Variants in GPR108 observed in about 807,000 individuals in gnomAD.
The protein encoded by GPR108 is protein GPR108.
Under a neutral mutation model 74.3 loss-of-function variants are expected in GPR108, and 60 were observed. The observed-to-expected ratio is 0.81, with a 90% confidence interval of 0.66 to 1.00. The LOEUF is 1.00. Ranked by LOEUF, GPR108 falls within the 50% of genes least tolerant of loss-of-function variation. The probability of loss-of-function intolerance (pLI) is 0.00; values close to 1 mark genes in which losing one functional copy is unlikely to be tolerated. For synonymous variants in GPR108, 311 were observed against 292.4 expected, an observed-to-expected ratio of 1.06 and a Z score of -0.65; for missense variants, 667 against 703.3, an observed-to-expected ratio of 0.95 and a Z score of 0.58.
intron 1 of GPR108, 160 bp downstream of exon 1, chr19:6,737,297 G>A: frequency 1.1e-6 from 1 of 935,726 alleles, no homozygotes; most frequent in Non-Finnish European, 1.5e-6. Context: ...GACCGAAGGG[G>A]ATCCCGGGAC....
Position 6,730,097 on chromosome 19 carries a change from G to A in GPR108, c.*215C>T, listed in dbSNP as rs1264074476. The A allele has an allele frequency of 3.4e-6, 2 of 587,932 alleles. No individual in the cohort carries two copies. The highest frequency in any genetic ancestry group is 3.0e-5 in the Admixed American group (1 of 33,350). 36.4% of individuals were successfully genotyped at this position (587,932 alleles called of 1,614,324 possible). On this transcript the variant is annotated 3_prime_UTR_variant, in exon 18 of 18. Coordinates refer to ENST00000264080, the MANE Select transcript of GPR108 (RefSeq NM_001080452.2). ...CATTATTGTACACATAGCTGGAAGG[G>A]AGGGGTGGTCCCGGGGTAAGGACAG...
chr19:6,736,901 C>T lies in GPR108; in HGVS notation c.121-190G>A, dbSNP rs527282660. 193 of 741,840 alleles carry T rather than the reference C, an allele frequency of 2.6e-4. 3 individuals carry two copies. The South Asian group carries it at 3.5e-3, about 13-fold the overall frequency. The allele number at this position is 741,840 out of a possible 1,614,324, so 46.0% of individuals were successfully genotyped here. A position where few individuals can be genotyped will look rare whatever the true frequency, so the allele number is the denominator to read the frequency against. On this transcript the variant is annotated intron_variant, in intron 1 of 17. Transcript: ENST00000264080. ...GAAGGGTGGTCCTGCATTCTCCGAC[C>T]TCTGTTCTGAGAACCCAGGAACAGA...
chr19:6,733,070 G>A lies in GPR108; in HGVS notation c.858-8C>T. 1 of 1,613,842 alleles carries A rather than the reference G, an allele frequency of 6.2e-7. No homozygotes were observed. The highest frequency in any genetic ancestry group is 8.5e-7 in the Non-Finnish European group (1 of 1,179,932). On this transcript the variant is annotated splice_region_variant and splice_polypyrimidine_tract_variant and intron_variant, in intron 9 of 17. Transcript: ENST00000264080. ...ATCTTGAAGACGCTGTACCTGGTGG[G>A]AGGGTCAGGGAGAGATGGGGGTGCG...
rs371632097 is a variant in GPR108, at chr19:6,735,707, G to A, written c.292-3C>T. ...GGGCAGTCCTGGAAATCCCGGGTCT[G>A]GGGGGTGGGCAGGAGGGAGTGAGTC... On this transcript the variant is annotated splice_polypyrimidine_tract_variant and splice_region_variant and intron_variant, in intron 3 of 17. Coordinates refer to ENST00000264080, the MANE Select transcript of GPR108 (RefSeq NM_001080452.2). 9.9e-6 allele frequency: 16 copies of A among 1,613,252 alleles called. No individual in the cohort carries two copies. Among genetic ancestry groups the A allele is most frequent in the Non-Finnish European group, 1.4e-5 (16 of 1,179,308 alleles).
chr19:6,730,727 C>T (rs1968360200), intron 17 of GPR108, among the ~76,000 whole-genome samples: 2 of 150,068 alleles, frequency 1.3e-5, no homozygotes, highest in Non-Finnish European at 3.0e-5. Context: ...CCAGAGCGGC[C>T]CTGGGTGTCT....
At chr19:6,737,283 G>C (rs1462476014) in intron 1 of GPR108, 174 bp downstream of exon 1, 2 of 828,000 alleles carry the variant, frequency 2.4e-6, no homozygotes, top group Non-Finnish European at 3.5e-6. Flanking sequence ...AACTCCATCC[G>C]GAGGACCGAA....
chr19:6,736,413 A>C (rs1968636882), intron 2 of GPR108, among the ~76,000 whole-genome samples, 179 bp downstream of exon 2: 1 of 152,164 alleles, frequency 6.6e-6, no homozygotes, highest in African/African-American at 2.4e-5. Flanking sequence ...CCCAAGTCTT[A>C]AGAAAAGTGC....
At chr19:6,735,447 C>G (rs919931221) in intron 4 of GPR108, 175 bp downstream of exon 4, 7 of 605,226 alleles carry the variant, frequency 1.2e-5, no homozygotes, top group African/African-American at 3.7e-5. Flanking sequence ...CACCAACACC[C>G]GCGGAGTCCC....
Position 6,735,806 on chromosome 19 carries a change from CCT to C in GPR108, c.291+100_291+101del. 2.6e-6 allele frequency: 4 copies of C among 1,523,890 alleles called. 1 individual carries two copies. Among genetic ancestry groups the C allele is most frequent in the Non-Finnish European group, 3.6e-6 (4 of 1,111,720 alleles). The allele number at this position is 1,523,890 out of a possible 1,614,324, so 94.4% of individuals were successfully genotyped here. ...CACCCACGGGATCTTCCTGCTCCTGCCTCTGACAAAGAACAGGGGCCCTTGGG... is the reference window on the plus strand; with the variant it reads ...CACCCACGGGATCTTCCTGCTCCTGCCTGACAAAGAACAGGGGCCCTTGGG... On this transcript the variant is annotated intron_variant, in intron 3 of 17. Transcript: ENST00000264080.
intron 14 of GPR108, 47 bp downstream of exon 14, chr19:6,731,844 G>A (rs373346356): frequency 1.6e-5 from 26 of 1,602,488 alleles, no homozygotes; most frequent in Non-Finnish European, 2.0e-5. Flanking sequence ...AGGGCCCGGA[G>A]GAGGAATGGG....
intron 1 of GPR108, 135 bp downstream of exon 1, chr19:6,737,322 C>T (rs1057136949): frequency 8.6e-7 from 1 of 1,166,048 alleles, no homozygotes; most frequent in Non-Finnish European, 1.1e-6. Context: ...CCACTCCGGG[C>T]CCGGAAACGG....
At position 6,736,618 on chromosome 19, in the gene GPR108, G is replaced by C; in HGVS notation, c.214C>G (p.Arg72Gly). ...VELSVLRLGL[R>G]EAEEKSLLVG... ...AGCAGGGACTTCTCTTCTGCCTCCC[G>C]GAGGCCCAGCCGCAGGACGCTCAAC... The change falls in exon 2 of 18, where the codon CGG becomes GGG. Residue 72 changes from arginine to glycine, a missense_variant. Physicochemically the swap from Arg to Gly is moderately radical, Grantham distance 125. Coordinates refer to ENST00000264080, the MANE Select transcript of GPR108 (RefSeq NM_001080452.2). The C allele has an allele frequency of 6.2e-7, 1 of 1,613,990 alleles. No individual in the cohort carries two copies. The highest frequency in any genetic ancestry group is 8.5e-7 in the Non-Finnish European group (1 of 1,179,982).
chr19:6,730,407 CG>C (rs1968342634), intron 17 of GPR108, 23 bp from the exon 18 acceptor site: 1 of 1,606,306 alleles, frequency 6.2e-7, no homozygotes, highest in South Asian at 1.1e-5. Context: ...AGCGAGGAGG[CG>C]TCTAGCGTTG....
At position 6,730,229 on chromosome 19, in the gene GPR108, C is replaced by G. The variant is rs1968331345; in HGVS notation, c.*83G>C. On this transcript the variant is annotated 3_prime_UTR_variant, in exon 18 of 18. Transcript: ENST00000264080. ...GCCTGGTCCACATGGACCCCCTCCA[C>G]CTCCCCACATACGCTGTGGAAGAAG... The G allele has an allele frequency of 1.5e-6, 2 of 1,335,490 alleles. No homozygotes were observed. The highest frequency in any genetic ancestry group is 1.4e-5 in the African/African-American group (1 of 69,392). The allele number at this position is 1,335,490 out of a possible 1,614,324, so 82.7% of individuals were successfully genotyped here.
At chr19:6,737,263 C>T (rs1052971440) in intron 1 of GPR108, 194 bp downstream of exon 1, 13 of 673,474 alleles carry the variant, frequency 1.9e-5, no homozygotes, top group Non-Finnish European at 2.8e-5. Context: ...CCCAGCGAGG[C>T]GGACCCGGCA....
At chr19:6,731,810 A>C in intron 14 of GPR108, 81 bp downstream of exon 14, 1 of 1,513,440 alleles carries the variant, frequency 6.6e-7, no homozygotes, top group Non-Finnish European at 9.1e-7. Context: ...AGAGGCCAGG[A>C]GGGGCATCCA....
chr19:6,732,963 T>C, intron 10 of GPR108, 24 bp downstream of exon 10: 10 of 1,558,282 alleles, frequency 6.4e-6, no homozygotes, highest in Non-Finnish European at 7.8e-6. Flanking sequence ...CACCCCCCGC[T>C]GCTCCCCGGT....
In GPR108 at chr19:6,735,932, C is replaced by G; in HGVS notation, c.267G>C (p.Arg89=). Residue 89 remains arginine (R), a synonymous_variant, in exon 3 of 18, where the codon CGG becomes CGC. Transcript: ENST00000264080. ...CTGAATAGGAGCGAACTCTGCCAGA[C>G]CGAACCCGGCTGAGACTGAACCCCA... ...LLVGFSLSRV[R]SGRVRSYSTR... The G allele has an allele frequency of 6.2e-7, 1 of 1,611,536 alleles. No individual in the cohort carries two copies. The highest frequency in any genetic ancestry group is 1.3e-5 in the African/African-American group (1 of 74,926).
intron 4 of GPR108, among the ~76,000 whole-genome samples, chr19:6,734,656 C>G (rs1004910414): frequency 6.6e-6 from 1 of 152,136 alleles, no homozygotes; most frequent in Admixed American, 6.6e-5. Context: ...ATCCTCCCAC[C>G]TCAGCCACAG....
Sources: allele counts gnomAD v4.1 joint callset (sites outside exome capture counted in the v4.1 genomes callset), GRCh38; gene constraint gnomAD v4.1.1; transcripts MANE v1.5; gene names NCBI Gene and HGNC (gene_info 2026-07-23, HGNC 2026-07-21).